The following ARHGAP26 variants were observed in gnomAD, a reference collection of about 807,000 sequenced individuals.
ARHGAP26 encodes Rho GTPase activating protein 26.
Under a neutral mutation model 104.8 loss-of-function variants are expected in ARHGAP26, and 38 were observed. The observed-to-expected ratio is 0.36, with a 90% CI of 0.28 to 0.48. The LOEUF is 0.48. Among genes scored for constraint, ARHGAP26 ranks in the 20% least tolerant of loss-of-function variants. ARHGAP26 has a pLI of 0.99. For synonymous variants in ARHGAP26, 341 were observed against 340.0 expected (o/e 1.00, Z -0.03); for missense variants, 704 against 947.9 (o/e 0.74, Z 3.38).
chr5:142,793,840 G>C (rs1475741474), intron 1 of ARHGAP26, among the ~76,000 whole-genome samples: 1 of 152,076 alleles, frequency 6.6e-6, no homozygotes. Flanking sequence ...TGCCTGCTTC[G>C]ACCTCTCAGT....
In ARHGAP26 at chr5:143,148,859, A is replaced by G. The variant is rs1204235881; in HGVS notation, c.1988+1478A>G. On this transcript the variant is annotated intron_variant, in intron 20 of 22. Transcript: ENST00000645722. The stretch of plus-strand genomic sequence containing the variant: ...TTGCTGAAGTGATTCCTTGCTCTGT[A>G]TGAGCAAGGTTGAATTTCTAGCCCA... Among the ~76,000 whole-genome samples, 30 of 152,212 alleles carry G rather than the reference A, an allele frequency of 2.0e-4. 1 individual carries two copies. Among genetic ancestry groups the G allele is most frequent in the Non-Finnish European group, 1.6e-4 (11 of 68,002 alleles).
intron 1 of ARHGAP26, among the ~76,000 whole-genome samples, chr5:142,826,025 T>C (rs1767189870): frequency 6.6e-6 from 1 of 152,242 alleles, no homozygotes; most frequent in African/African-American, 2.4e-5. Flanking sequence ...ATCGATTTGC[T>C]GGTTAACCCA....
At chr5:142,908,151 C>T (rs1761369877) in intron 9 of ARHGAP26, among the ~76,000 whole-genome samples, 1 of 152,170 alleles carries the variant, frequency 6.6e-6, no homozygotes. Flanking sequence ...CCACTTGATA[C>T]CTGGAGAGCT....
chr5:142,806,864 C>T (rs1273553836), intron 1 of ARHGAP26, among the ~76,000 whole-genome samples: 6 of 152,200 alleles, frequency 3.9e-5, no homozygotes, highest in Admixed American at 1.3e-4. Flanking sequence ...GCAGTTGACT[C>T]ATTTCAGGAT....
At chr5:142,850,313 A>C (rs1751264416) in intron 1 of ARHGAP26, among the ~76,000 whole-genome samples, 1 of 152,144 alleles carries the variant, frequency 6.6e-6, no homozygotes, top group Admixed American at 6.5e-5. Context: ...CCTTCCTTAG[A>C]GGAACATCAT....
intron 17 of ARHGAP26, among the ~76,000 whole-genome samples, chr5:143,116,704 C>CAGA (rs1795497219): frequency 2.0e-5 from 3 of 152,328 alleles, no homozygotes; most frequent in Non-Finnish European, 4.4e-5. Flanking sequence ...CCTTCTGCCT[C>CAGA]TCAAAGGACA....
At chr5:143,012,576 T>TATATATATATATA (rs1554195628) in intron 11 of ARHGAP26, among the ~76,000 whole-genome samples, 79 of 56,950 alleles carry the variant, frequency 1.4e-3, no homozygotes, top group Non-Finnish European at 2.2e-3. Flanking sequence ...TATATATATA[T>TATATATATATATA]TATGATCAGG....
intron 8 of ARHGAP26, among the ~76,000 whole-genome samples, chr5:142,905,642 C>T (rs2152462629): frequency 6.6e-6 from 1 of 152,222 alleles, no homozygotes; most frequent in Admixed American, 6.5e-5. Flanking sequence ...TTGCATATAC[C>T]ATGCTTCTTC....
At chr5:142,910,937 C>G (rs1761746964) in intron 9 of ARHGAP26, among the ~76,000 whole-genome samples, 1 of 152,176 alleles carries the variant, frequency 6.6e-6, no homozygotes, top group African/African-American at 2.4e-5. Flanking sequence ...ACATAAATAT[C>G]TTTTAACCTA....
intron 11 of ARHGAP26, among the ~76,000 whole-genome samples, chr5:142,956,264 C>T (rs773564746): frequency 5.9e-5 from 9 of 152,038 alleles, no homozygotes; most frequent in Non-Finnish European, 8.8e-5. Flanking sequence ...CCTGGTCTGT[C>T]TCTGAATGAC....
At chr5:142,887,556 A>G (rs181742381) in intron 5 of ARHGAP26, among the ~76,000 whole-genome samples, 1 of 152,198 alleles carries the variant, frequency 6.6e-6, no homozygotes, top group African/African-American at 2.4e-5. Flanking sequence ...ATTTCAGTGG[A>G]TGTTTTCCAT....
Position 142,979,829 on chromosome 5 carries a change from C to T in ARHGAP26, c.1108-34251C>T, listed in dbSNP as rs955099397. 4.6e-5 allele frequency among the ~76,000 whole-genome samples: 7 copies of T among 152,116 alleles called. No individual in the cohort carries two copies. In the South Asian group the frequency reaches 6.2e-4, roughly 14 times the overall value. On this transcript the variant is annotated intron_variant, in intron 11 of 22. Transcript: ENST00000645722. The stretch of plus-strand genomic sequence containing the variant: ...GTTGTGGGCGTGCCAGAGGGGAGGG[C>T]GGAGTATGGGAGGTGGGCAGACAGC...
At chr5:143,161,879 C>G (rs1407963899) in intron 20 of ARHGAP26, among the ~76,000 whole-genome samples, 1 of 152,170 alleles carries the variant, frequency 6.6e-6, no homozygotes, top group African/African-American at 2.4e-5. Context: ...CCTGTTCAGT[C>G]TATTTTGTTT....
intron 21 of ARHGAP26, among the ~76,000 whole-genome samples, chr5:143,209,500 G>C (rs6864329): frequency 0.016 from 2,375 of 152,200 alleles, 52 homozygotes; most frequent in African/African-American, 0.054. Flanking sequence ...GTCAAGGCAG[G>C]CCGGGCACAG....
chr5:143,118,509 G>A (rs1228658195), intron 17 of ARHGAP26, among the ~76,000 whole-genome samples: 1 of 152,162 alleles, frequency 6.6e-6, no homozygotes, highest in African/African-American at 2.4e-5. Context: ...AGTGGCTCAC[G>A]CCTATAATTC....
intron 17 of ARHGAP26, among the ~76,000 whole-genome samples, chr5:143,061,891 T>G (rs1786766909): frequency 6.6e-6 from 1 of 152,224 alleles, no homozygotes; most frequent in Non-Finnish European, 1.5e-5. Flanking sequence ...TTTTAAGGGC[T>G]AGGATGATAC....
chr5:143,139,851 A>G (rs756411142), intron 19 of ARHGAP26, among the ~76,000 whole-genome samples: 14 of 152,228 alleles, frequency 9.2e-5, no homozygotes, highest in African/African-American at 2.4e-5. Flanking sequence ...GTACTGACAC[A>G]CACGCTGTGC....
chr5:143,156,012 A>G (rs926826310), intron 20 of ARHGAP26, among the ~76,000 whole-genome samples: 4 of 152,198 alleles, frequency 2.6e-5, no homozygotes, highest in Admixed American at 2.0e-4. Flanking sequence ...TTGGTAGAAT[A>G]TTTGGGAAGG....
At chr5:143,113,457 C>T (rs979883464) in intron 17 of ARHGAP26, among the ~76,000 whole-genome samples, 5 of 152,158 alleles carry the variant, frequency 3.3e-5, no homozygotes, top group Non-Finnish European at 5.9e-5. Flanking sequence ...GCATATATGG[C>T]CATAATTATC....
Sources: gnomAD v4.1 joint callset for allele counts (sites outside exome capture counted in the v4.1 genomes callset) on GRCh38, gnomAD v4.1.1 for gene constraint, MANE v1.5 for transcripts, NCBI Gene and HGNC (gene_info 2026-07-23, HGNC 2026-07-21) for gene names.